The following HERC3 variants were observed in gnomAD, a reference collection of about 807,000 sequenced individuals.
HERC3 encodes the protein HECT and RLD domain containing E3 ubiquitin protein ligase 3.
In HERC3, 58 loss-of-function variants were observed where a neutral mutation model predicts 129.9. The observed-to-expected ratio is 0.45, with a 90% CI of 0.36 to 0.56. The LOEUF (loss-of-function observed/expected upper bound fraction) is 0.56. Among genes scored for constraint, HERC3 ranks in the 20% least tolerant of loss-of-function variants. The pLI is 0.00. For missense variants in HERC3, 835 were observed against 1,244.2 expected (o/e 0.67, Z 4.95); for synonymous variants, 430 against 451.0 (o/e 0.95, Z 0.59).
chr4:88,584,332 C>T, the HERC3 span, among the ~76,000 whole-genome samples: 1 of 152,180 alleles, frequency 6.6e-6, no homozygotes, highest in Non-Finnish European at 1.5e-5. Context: ...ACTGACTACA[C>T]ATTCTAAGCC....
chr4:88,641,487 G>T (rs923323687), intron 3 of HERC3, among the ~76,000 whole-genome samples: 1 of 152,078 alleles, frequency 6.6e-6, no homozygotes, highest in Non-Finnish European at 1.5e-5. Flanking sequence ...GAAGATAGAA[G>T]AACAATAGAG....
At chr4:88,574,140 GA>G in the HERC3 span, among the ~76,000 whole-genome samples, 2 of 152,098 alleles carry the variant, frequency 1.3e-5, no homozygotes, top group African/African-American at 4.8e-5. Context: ...CAGAATCTAG[GA>G]AGAATTAAAC....
At chr4:88,572,497 A>G in the HERC3 span, among the ~76,000 whole-genome samples, 1 of 151,978 alleles carries the variant, frequency 6.6e-6, no homozygotes, top group African/African-American at 2.4e-5. Flanking sequence ...TCAATTTATC[A>G]ATATGTAAAA....
chr4:88,677,645 T>C, intron 18 of HERC3, among the ~76,000 whole-genome samples: 1 of 152,168 alleles, frequency 6.6e-6, no homozygotes, highest in Middle Eastern at 3.2e-3. Context: ...AAAGTTGTGG[T>C]TTTTACCCAC....
intron 8 of HERC3, among the ~76,000 whole-genome samples, chr4:88,655,635 T>G (rs1303166690): frequency 6.6e-6 from 1 of 152,204 alleles, no homozygotes; most frequent in Non-Finnish European, 1.5e-5. Context: ...CTGTTCATCT[T>G]AGAGGCCACA....
chr4:88,571,749 A>G, the HERC3 span, among the ~76,000 whole-genome samples: 1 of 152,206 alleles, frequency 6.6e-6, no homozygotes. Context: ...TTTGTGGTAT[A>G]ATCTGACTCC....
intron 9 of HERC3, chr4:88,657,024 T>A (rs1308528560): frequency 4.6e-5 from 7 of 151,986 alleles, no homozygotes; most frequent in Admixed American, 2.6e-4. Context: ...AATAGTTAAA[T>A]AGCAGTCTTG....
At position 88,677,862 on chromosome 4, in the gene HERC3, T is replaced by C. The variant is rs915171313; in HGVS notation, c.2026-102T>C. 5.5e-5 allele frequency: 53 copies of C among 960,828 alleles called. 1 individual carries two copies. The East Asian group carries it at 1.0e-3, about 18-fold the overall frequency. The allele number at this position is 960,828 out of a possible 1,614,324, so 59.5% of individuals were successfully genotyped here. On this transcript the variant is annotated intron_variant, in intron 18 of 25. Coordinates refer to ENST00000402738, the MANE Select transcript of HERC3 (RefSeq NM_014606.3). The stretch of plus-strand genomic sequence containing the variant: ...TTAAGAGGGAAAAAAATTAACAAAA[T>C]GGAGATGCAGTCAGCGCCCCCAAGT...
the HERC3 span, among the ~76,000 whole-genome samples, chr4:88,565,945 G>GT: frequency 7.5e-4 from 112 of 149,692 alleles, no homozygotes; most frequent in Non-Finnish European, 1.4e-3. Context: ...TCTGTTGCAT[G>GT]TTTTTTTTTC....
intron 23 of HERC3, among the ~76,000 whole-genome samples, chr4:88,698,110 A>G (rs1734864277): frequency 6.6e-6 from 1 of 152,080 alleles, no homozygotes; most frequent in African/African-American, 2.4e-5. Context: ...GGAACTGCAT[A>G]GATGGCCTCA....
the HERC3 span, among the ~76,000 whole-genome samples, chr4:88,582,234 T>A: frequency 2.1e-4 from 31 of 147,450 alleles, no homozygotes; most frequent in East Asian, 8.6e-4. Flanking sequence ...TTAAAAAAAA[T>A]TTTTTTTAAT....
the HERC3 span, among the ~76,000 whole-genome samples, chr4:88,557,584 T>G: frequency 6.6e-6 from 1 of 152,246 alleles, no homozygotes; most frequent in Non-Finnish European, 1.5e-5. Flanking sequence ...GATAATTTCA[T>G]TGAGTGACTT....
At chr4:88,633,314 T>G (rs1726980039) in intron 3 of HERC3, among the ~76,000 whole-genome samples, 1 of 152,190 alleles carries the variant, frequency 6.6e-6, no homozygotes, top group Non-Finnish European at 1.5e-5. Flanking sequence ...AATAGCAGAT[T>G]TATCTGGGAA....
chr4:88,542,124 C>CA, the HERC3 span, among the ~76,000 whole-genome samples: 1 of 151,934 alleles, frequency 6.6e-6, no homozygotes, highest in Non-Finnish European at 1.5e-5. Context: ...GATAGAGACA[C>CA]AAAAAACCCT....
chr4:88,563,679 C>T, the HERC3 span, among the ~76,000 whole-genome samples: 1 of 139,966 alleles, frequency 7.1e-6, no homozygotes, highest in Non-Finnish European at 1.5e-5. Flanking sequence ...TTTTTTTAGA[C>T]GGAGTTTTGC....
At chr4:88,654,453 T>C (rs548940664) in intron 7 of HERC3, among the ~76,000 whole-genome samples, 12 of 145,470 alleles carry the variant, frequency 8.2e-5, no homozygotes, top group African/African-American at 3.0e-4. Context: ...TATAAAAATG[T>C]AGATTATATA....
chr4:88,630,477 A>G (rs909357891), intron 3 of HERC3, among the ~76,000 whole-genome samples: 1 of 152,182 alleles, frequency 6.6e-6, no homozygotes, highest in South Asian at 2.1e-4. Context: ...ATTAAGATAC[A>G]TGAAACTGCC....
intron 21 of HERC3, among the ~76,000 whole-genome samples, chr4:88,682,471 GA>G (rs1560758794): frequency 1.6e-5 from 1 of 63,420 alleles, no homozygotes; most frequent in Admixed American, 2.2e-4. Flanking sequence ...ATCCTTCCCC[GA>G]CCCCCCCACC....
the HERC3 span, among the ~76,000 whole-genome samples, chr4:88,586,361 C>CTTTTT: frequency 2.4e-5 from 3 of 124,994 alleles, no homozygotes; most frequent in Non-Finnish European, 3.6e-5. Flanking sequence ...TTTTTTCTTT[C>CTTTTT]TTTTTTTTTT....
Sources: gnomAD v4.1 joint callset for allele counts (sites outside exome capture counted in the v4.1 genomes callset) on GRCh38, gnomAD v4.1.1 for gene constraint, MANE v1.5 for transcripts, NCBI Gene and HGNC (gene_info 2026-07-23, HGNC 2026-07-21) for gene names.